EIF4EBP1: variants seen among roughly 807,000 people sequenced by gnomAD.
The protein encoded by EIF4EBP1 is eukaryotic translation initiation factor 4E binding protein 1.
EIF4EBP1 carries 5 observed loss-of-function variants against 9.2 expected under a neutral mutation model. The observed-to-expected ratio is 0.54, with a 90% CI of 0.28 to 1.14. The LOEUF (loss-of-function observed/expected upper bound fraction) is 1.14. EIF4EBP1 is among the 50% of genes most tolerant of loss of function. The pLI is 0.09. For missense variants in EIF4EBP1, 139 were observed against 169.6 expected, an observed-to-expected ratio of 0.82 and a Z score of 1.00; for synonymous variants, 62 against 67.0, an observed-to-expected ratio of 0.93 and a Z score of 0.36.
At position 38,030,690 on chromosome 8, in the gene EIF4EBP1, C is replaced by A; in HGVS notation, c.117C>A (p.Gly39=). 1 of 1,477,140 alleles carries A rather than the reference C, an allele frequency of 6.8e-7. No individual in the cohort carries two copies. Among genetic ancestry groups the A allele is most frequent in the South Asian group, 1.3e-5 (1 of 76,674 alleles). The allele number at this position is 1,477,140 out of a possible 1,614,324, so 91.5% of individuals were successfully genotyped here. A position where few individuals can be genotyped will look rare whatever the true frequency, so the allele number is the denominator to read the frequency against. ...CCGGGGACTACAGCACGACCCCCGGCGGCACGCTCTTCAGCACCACCCCGG... is the reference window on the plus strand; with the variant it reads ...CCGGGGACTACAGCACGACCCCCGGAGGCACGCTCTTCAGCACCACCCCGG... The part of the protein sequence containing the change: ...LPPGDYSTTP[G]GTLFSTTPGG... The change falls in exon 1 of 3, where the codon GGC becomes GGA. Residue 39 remains glycine, a synonymous_variant. Coordinates refer to ENST00000338825, the MANE Select transcript of EIF4EBP1 (RefSeq NM_004095.4).
At chr8:38,044,108 C>G (rs141302931) in intron 1 of EIF4EBP1, among the ~76,000 whole-genome samples, 5 of 152,020 alleles carry the variant, frequency 3.3e-5, no homozygotes, top group Admixed American at 2.6e-4. Flanking sequence ...GGACCTCCCC[C>G]ACCCCGGCCC....
At position 38,037,505 on chromosome 8, in the gene EIF4EBP1, G is replaced by C. The variant is rs140691690; in HGVS notation, c.145+6787G>C. Among the ~76,000 whole-genome samples the C allele has an allele frequency of 9.7e-3, 1,468 of 151,536 alleles. 25 individuals are homozygous for C. Among genetic ancestry groups the C allele is most frequent in the African/African-American group, 0.034 (1,393 of 41,310 alleles). ...TAATTTTTGTATTTTTAGTAGAGACGGGGTTTACCATGTTGGCCAGGATGG... is the reference window on the plus strand; with the variant it reads ...TAATTTTTGTATTTTTAGTAGAGACCGGGTTTACCATGTTGGCCAGGATGG... On this transcript the variant is annotated intron_variant, in intron 1 of 2. Transcript: ENST00000338825.
At chr8:38,043,749 C>A (rs1353329422) in intron 1 of EIF4EBP1, among the ~76,000 whole-genome samples, 1 of 152,104 alleles carries the variant, frequency 6.6e-6, no homozygotes, top group Non-Finnish European at 1.5e-5. Context: ...CTTCATAAGA[C>A]CCCTGGCCCC....
intron 1 of EIF4EBP1, among the ~76,000 whole-genome samples, chr8:38,054,796 G>C (rs1274509465): frequency 2.0e-5 from 3 of 152,162 alleles, no homozygotes; most frequent in Non-Finnish European, 4.4e-5. Context: ...CAAAGAGAGG[G>C]CACCACTGCT....
At chr8:38,051,471 GTACTTCA>G (rs1182487331) in intron 1 of EIF4EBP1, among the ~76,000 whole-genome samples, 1 of 152,148 alleles carries the variant, frequency 6.6e-6, no homozygotes, top group Non-Finnish European at 1.5e-5. Context: ...ATCCTCAAAA[GTACTTCA>G]TACTCTTTGT....
intron 1 of EIF4EBP1, 69 bp from the exon 2 acceptor site, chr8:38,057,012 T>C: frequency 6.4e-7 from 1 of 1,560,554 alleles, no homozygotes; most frequent in Middle Eastern, 1.7e-4. Flanking sequence ...AGCCACGCCT[T>C]TAAAAAGTGG....
chr8:38,046,924 G>A (rs1279367905), intron 1 of EIF4EBP1, among the ~76,000 whole-genome samples: 1 of 152,190 alleles, frequency 6.6e-6, no homozygotes, highest in Non-Finnish European at 1.5e-5. Context: ...ATGGTTTGAG[G>A]TGTAGGGGTG....
At chr8:38,043,566 A>G (rs1036027314) in intron 1 of EIF4EBP1, among the ~76,000 whole-genome samples, 1 of 151,880 alleles carries the variant, frequency 6.6e-6, no homozygotes, top group Admixed American at 6.6e-5. Context: ...TGCTGGTCTC[A>G]AACTCCTGAC....
rs1160946526 is a variant in EIF4EBP1 at position 38,058,822 on chromosome 8, G to A, written c.326-1082G>A. On this transcript the variant is annotated intron_variant, in intron 2 of 2. Coordinates refer to ENST00000338825, the MANE Select transcript of EIF4EBP1 (RefSeq NM_004095.4). ...CTGGTGGCCAGGCACAGTGGCTCATGCCTGAAATCCCAGCACTCTGGGAGG... is the reference window on the plus strand; with the variant it reads ...CTGGTGGCCAGGCACAGTGGCTCATACCTGAAATCCCAGCACTCTGGGAGG... 2.0e-5 allele frequency among the ~76,000 whole-genome samples: 3 copies of A among 152,218 alleles called. No homozygotes were observed. In the East Asian group the frequency reaches 5.8e-4, roughly 29 times the overall value.
At chr8:38,034,125 C>T (rs1164478540) in intron 1 of EIF4EBP1, among the ~76,000 whole-genome samples, 3 of 152,124 alleles carry the variant, frequency 2.0e-5, no homozygotes, top group African/African-American at 4.8e-5. Flanking sequence ...TAGCTCACTG[C>T]AGTCTCAAAC....
chr8:38,043,075 GA>G (rs1179560785), intron 1 of EIF4EBP1, among the ~76,000 whole-genome samples: 1 of 152,022 alleles, frequency 6.6e-6, no homozygotes, highest in East Asian at 1.9e-4. Flanking sequence ...TCACACACAC[GA>G]AAAAAAGTTT....
intron 1 of EIF4EBP1, among the ~76,000 whole-genome samples, chr8:38,037,295 G>C (rs1199072882): frequency 1.3e-5 from 2 of 151,986 alleles, no homozygotes; most frequent in Non-Finnish European, 2.9e-5. Flanking sequence ...TTCCCCTCAG[G>C]ATAACCTAGT....
rs116046029 is a variant in EIF4EBP1, at chr8:38,057,517, G to A, written c.325+257G>A. ...GGCACCTTTGGGTCATGTAATTAGCGGGGAGTTTGTTTGAAATGGCAGCGG... is the reference window on the plus strand; with the variant it reads ...GGCACCTTTGGGTCATGTAATTAGCAGGGAGTTTGTTTGAAATGGCAGCGG... On this transcript the variant is annotated intron_variant, in intron 2 of 2. Coordinates refer to ENST00000338825, the MANE Select transcript of EIF4EBP1 (RefSeq NM_004095.4). 3.2e-3 allele frequency among the ~76,000 whole-genome samples: 487 copies of A among 152,278 alleles called. 4 individuals carry two copies. Among genetic ancestry groups the A allele is most frequent in the African/African-American group, 0.011 (463 of 41,552 alleles).
At chr8:38,050,585 A>C (rs1202086499) in intron 1 of EIF4EBP1, among the ~76,000 whole-genome samples, 1 of 152,128 alleles carries the variant, frequency 6.6e-6, no homozygotes, top group Non-Finnish European at 1.5e-5. Context: ...CCTGGGCTCA[A>C]GCAATCCGCC....
chr8:38,046,600 T>C (rs957700945), intron 1 of EIF4EBP1, among the ~76,000 whole-genome samples: 4 of 152,210 alleles, frequency 2.6e-5, no homozygotes, highest in Non-Finnish European at 5.9e-5. Context: ...CTGCAGGTCA[T>C]GATAATAACT....
intron 1 of EIF4EBP1, among the ~76,000 whole-genome samples, chr8:38,055,424 G>T (rs1163958395): frequency 2.6e-5 from 4 of 152,112 alleles, no homozygotes; most frequent in African/African-American, 7.2e-5. Flanking sequence ...GAGATTTCAA[G>T]GTTATTGCTA....
At chr8:38,035,369 C>T (rs1809285014) in intron 1 of EIF4EBP1, among the ~76,000 whole-genome samples, 4 of 151,814 alleles carry the variant, frequency 2.6e-5, no homozygotes, top group Admixed American at 2.0e-4. Flanking sequence ...AGGCATGTGC[C>T]ACCACACCCG....
intron 1 of EIF4EBP1, among the ~76,000 whole-genome samples, chr8:38,031,291 C>CG (rs909209297): frequency 4.6e-5 from 7 of 151,974 alleles, no homozygotes; most frequent in Non-Finnish European, 7.4e-5. Flanking sequence ...GGGATCTCCG[C>CG]GGGGGGGACC....
chr8:38,054,324 G>A (rs1809565245), intron 1 of EIF4EBP1, among the ~76,000 whole-genome samples: 3 of 152,214 alleles, frequency 2.0e-5, no homozygotes, highest in Admixed American at 6.5e-5. Context: ...GATAGCACAT[G>A]CCTGTTGTCC....
Sources: gnomAD v4.1 joint callset for allele counts (sites outside exome capture counted in the v4.1 genomes callset) on GRCh38, gnomAD v4.1.1 for gene constraint, MANE v1.5 for transcripts, NCBI Gene and HGNC (gene_info 2026-07-23, HGNC 2026-07-21) for gene names.